Variants in XAB2 observed in about 807,000 individuals in gnomAD.
XAB2 encodes XPA binding protein 2, also known as pre-mRNA-splicing factor SYF1.
A neutral mutation model predicts 113.4 loss-of-function variants in XAB2; 57 were observed. The ratio of observed to expected loss-of-function variants is 0.50; its 90% CI spans 0.41 to 0.63. XAB2 has a LOEUF of 0.63. XAB2 is among the 20% of genes least tolerant of loss of function. XAB2 has a pLI of 0.00. For synonymous variants in XAB2, 497 were observed against 498.8 expected, an observed-to-expected ratio of 1.00 and a Z score of 0.05; for missense variants, 1,037 against 1,233.3, an observed-to-expected ratio of 0.84 and a Z score of 2.38.
Position 7,623,853 on chromosome 19 carries a change from G to C in XAB2, c.997C>G (p.Arg333Gly). Residue 333 changes from arginine to glycine, a missense_variant, in exon 8 of 19, where the codon CGC (arginine) becomes GGC (glycine). Arg to Gly is a moderately radical substitution (Grantham distance 125). Coordinates refer to ENST00000358368, the MANE Select transcript of XAB2 (RefSeq NM_020196.3). This position sits in a 1 kb window ranked among gnomAD's most constrained non-coding sequence, Gnocchi z 4.6. ...CGCCGGCTGATGAGCTGCTCGAAGC[G>C]GGCCAGGCGCAGCTCCAGGTCCACA... ...DDVDLELRLA[R>G]FEQLISRRPL... 6.2e-7 allele frequency: 1 copy of C among 1,602,364 alleles called. No homozygotes were observed. The highest frequency in any genetic ancestry group is 1.1e-5 in the South Asian group (1 of 90,254).
Position 7,624,916 on chromosome 19 carries a change from C to T in XAB2, c.823-471G>A, listed in dbSNP as rs2031107600. ...TGGCTCGCCCACCCCAGCTCAGGTC[C>T]CCTCTCTCTACCCAGCCCTGACGGG... On this transcript the variant is annotated intron_variant, in intron 6 of 18. Transcript: ENST00000358368. This position sits in a 1 kb window ranked among gnomAD's most constrained non-coding sequence, Gnocchi z 4.2. Among the ~76,000 whole-genome samples, 1 of 152,166 alleles carries T rather than the reference C, an allele frequency of 6.6e-6. No homozygotes were observed. Among genetic ancestry groups the T allele is most frequent in the African/African-American group, 2.4e-5 (1 of 41,446 alleles).
rs1329509831 is a variant in XAB2 at position 7,627,008 on chromosome 19, G to C, written c.522+235C>G. ...TAGACTAAAAGCTCCGTGCAGGCAG[G>C]GAGTGTCTTAGTCACACTGTCCTCA... On this transcript the variant is annotated intron_variant, in intron 4 of 18. Transcript: ENST00000358368. The surrounding 1 kb of genome is among the most constrained non-coding windows in gnomAD (Gnocchi z 4.5). 6.6e-6 allele frequency among the ~76,000 whole-genome samples: 1 copy of C among 152,148 alleles called. No individual in the cohort carries two copies. Among genetic ancestry groups the C allele is most frequent in the East Asian group, 1.9e-4 (1 of 5,202 alleles).
rs775891976 is a variant in XAB2, at chr19:7,622,795, G to A, written c.1338C>T (p.His446=). The change falls in exon 10 of 19, where the codon CAC becomes CAT. Residue 446 remains histidine (H), a synonymous_variant. Transcript: ENST00000358368. ...WCQCGELELR[H]ENYDEALRLL... ...GCCGCAAGGCCTCATCGTAGTTCTCGTGTCGGAGCTCCAGCTCTCCGCACT... is the reference window on the plus strand; with the variant it reads ...GCCGCAAGGCCTCATCGTAGTTCTCATGTCGGAGCTCCAGCTCTCCGCACT... The A allele has an allele frequency of 4.3e-6, 7 of 1,614,108 alleles. No individual in the cohort carries two copies. The highest frequency in any genetic ancestry group is 5.1e-6 in the Non-Finnish European group (6 of 1,180,030).
Position 7,619,921 on chromosome 19 carries a change from G to A in XAB2, c.2396+25C>T, listed in dbSNP as rs773740151. On this transcript the variant is annotated intron_variant, in intron 17 of 18. Transcript: ENST00000358368. ...CCCCCTTGGGACCTGTCCCAGTCCT[G>A]TCCCGTCCAAGGATCCGCCCTCACC... 1.3e-4 allele frequency: 211 copies of A among 1,609,792 alleles called. 1 individual carries two copies. The highest frequency in any genetic ancestry group is 1.6e-5 in the Non-Finnish European group (19 of 1,179,858).
rs2031113643 is a variant in XAB2 at position 7,625,219 on chromosome 19, C to A, written c.822+661G>T. ...AGTCAGCTAACCCCTGAGGGAGTGGCCCTCACACCACGTACCTCCTCAGTG... is the reference window on the plus strand; with the variant it reads ...AGTCAGCTAACCCCTGAGGGAGTGGACCTCACACCACGTACCTCCTCAGTG... On this transcript the variant is annotated intron_variant, in intron 6 of 18. Transcript: ENST00000358368. This position sits in a 1 kb window ranked among gnomAD's most constrained non-coding sequence, Gnocchi z 5.2. Among the ~76,000 whole-genome samples, 1 of 152,226 alleles carries A rather than the reference C, an allele frequency of 6.6e-6. No individual in the cohort carries two copies. The highest frequency in any genetic ancestry group is 2.4e-5 in the African/African-American group (1 of 41,460).
Position 7,619,557 on chromosome 19 carries a change from G to A in XAB2, c.*29C>T, listed in dbSNP as rs546861028. 7.0e-5 allele frequency: 103 copies of A among 1,463,436 alleles called. 2 individuals carry two copies. In the East Asian group the frequency reaches 1.9e-3, roughly 27 times the overall value. 90.7% of individuals were successfully genotyped at this position (1,463,436 alleles called of 1,614,324 possible). A position where few individuals can be genotyped will look rare whatever the true frequency, so the allele number is the denominator to read the frequency against. On this transcript the variant is annotated 3_prime_UTR_variant, in exon 19 of 19. Coordinates refer to ENST00000358368, the MANE Select transcript of XAB2 (RefSeq NM_020196.3). ...CAAACGTAGCTGTATTGGGGAGGGG[G>A]TGGGGAGGGGGGATGGGGGAGGGAC... is the stretch of plus-strand genomic sequence containing the variant.
chr19:7,620,903 C>T lies in XAB2; in HGVS notation c.1914G>A (p.Arg638=), dbSNP rs1455538921. 1 of 1,603,860 alleles carries T rather than the reference C, an allele frequency of 6.2e-7. No homozygotes were observed. Among genetic ancestry groups the T allele is most frequent in the South Asian group, 1.1e-5 (1 of 89,240 alleles). The change falls in exon 14 of 19, where the codon CGG becomes CGA. Residue 638 remains arginine (R), a synonymous_variant. Coordinates refer to ENST00000358368, the MANE Select transcript of XAB2 (RefSeq NM_020196.3). ...QYDMFNIYIK[R]AAEIYGVTHT... is the part of the protein sequence containing the mutation. ...GGGTGACCCCATAGATCTCGGCCGCCCGCTTGATGTAGATGTTGAACATGT... is the reference window on the plus strand; with the variant it reads ...GGGTGACCCCATAGATCTCGGCCGCTCGCTTGATGTAGATGTTGAACATGT...
intron 12 of XAB2, chr19:7,621,971 G>A (rs942848205): frequency 5.6e-5 from 13 of 231,066 alleles, no homozygotes; most frequent in Non-Finnish European, 1.1e-4. Flanking sequence ...TTCGTTTGAA[G>A]ATGAGATCAC....
chr19:7,628,349 G>A lies in XAB2; in HGVS notation c.52-51C>T. ...AGAGAGGCCTACCCTCAGAGCCTGT[G>A]TGCAGCACCATCCCACTGCTGGGGC... On this transcript the variant is annotated intron_variant, in intron 1 of 18. Transcript: ENST00000358368. This position sits in a 1 kb window ranked among gnomAD's most constrained non-coding sequence, Gnocchi z 4.6. The A allele has an allele frequency of 1.9e-6, 3 of 1,608,450 alleles. No homozygotes were observed. The highest frequency in any genetic ancestry group is 1.1e-5 in the South Asian group (1 of 90,820).
rs773586443 is a variant in XAB2 at position 7,622,522 on chromosome 19, CA to C, written c.1503+7del. 6.2e-7 allele frequency: 1 copy of C among 1,613,916 alleles called. No homozygotes were observed. Among genetic ancestry groups the C allele is most frequent in the South Asian group, 1.1e-5 (1 of 91,086 alleles). ...GGCCCCGTCCCTCCCCAGCCACAGG[CA>C]GCTCACCTGGAAGGTGCCGAGGCTC... On this transcript the variant is annotated splice_region_variant and intron_variant, in intron 11 of 18. Transcript: ENST00000358368.
At position 7,624,927 on chromosome 19, in the gene XAB2, C is replaced by G. The variant is rs1479145890; in HGVS notation, c.823-482G>C. Among the ~76,000 whole-genome samples, 1 of 152,182 alleles carries G rather than the reference C, an allele frequency of 6.6e-6. No homozygotes were observed. Among genetic ancestry groups the G allele is most frequent in the Non-Finnish European group, 1.5e-5 (1 of 68,012 alleles). ...CCCCAGCTCAGGTCCCCTCTCTCTACCCAGCCCTGACGGGTCTTGCCCTGC... is the reference window on the plus strand; with the variant it reads ...CCCCAGCTCAGGTCCCCTCTCTCTAGCCAGCCCTGACGGGTCTTGCCCTGC... On this transcript the variant is annotated intron_variant, in intron 6 of 18. Transcript: ENST00000358368. The surrounding 1 kb of genome is among the most constrained non-coding windows in gnomAD (Gnocchi z 4.2).
At position 7,623,015 on chromosome 19, in the gene XAB2, GGCACACA is replaced by G; in HGVS notation, c.1240-129_1240-123del. 7.8e-6 allele frequency: 12 copies of G among 1,536,842 alleles called. No homozygotes were observed. The highest frequency in any genetic ancestry group is 1.1e-5 in the Non-Finnish European group (12 of 1,140,332). On this transcript the variant is annotated intron_variant, in intron 9 of 18. Transcript: ENST00000358368. This position sits in a 1 kb window ranked among gnomAD's most constrained non-coding sequence, Gnocchi z 4.6. ...GCACAAACACACAGGCACACACACA[GGCACACA>G]CATGCGTGCACATATGCATGCACCC...
In XAB2 at chr19:7,622,386, A is replaced by C. The variant is rs1467368247; in HGVS notation, c.1562T>G (p.Val521Gly). ...CTCCAGGAACATGGCATAGTTGATG[A>C]CGATCTGGGGTGTTGCGATACGCAG... Reference protein sequence around the residue: ...LDLRIATPQIVINYAMFLEEH... With the variant: ...LDLRIATPQIGINYAMFLEEH... The change falls in exon 12 of 19, where the codon GTC (valine) becomes GGC (glycine). Residue 521 changes from valine to glycine, a missense_variant. By Grantham distance (109) the Val-to-Gly change is moderately radical. Transcript: ENST00000358368. 1 of 1,614,142 alleles carries C rather than the reference A, an allele frequency of 6.2e-7. No individual in the cohort carries two copies. Among genetic ancestry groups the C allele is most frequent in the Admixed American group, 1.7e-5 (1 of 60,030 alleles).
Position 7,620,838 on chromosome 19 carries a change from G to C in XAB2, c.1971+8C>G. ...TCTGGCCCCGGCCCAGCCCCCCACGGTGGGTACCTCAATGGCCTTCTGGTA... is the reference window on the plus strand; with the variant it reads ...TCTGGCCCCGGCCCAGCCCCCCACGCTGGGTACCTCAATGGCCTTCTGGTA... On this transcript the variant is annotated splice_region_variant and intron_variant, in intron 14 of 18. Coordinates refer to ENST00000358368, the MANE Select transcript of XAB2 (RefSeq NM_020196.3). The C allele has an allele frequency of 6.4e-7, 1 of 1,574,360 alleles. No individual in the cohort carries two copies. Among genetic ancestry groups the C allele is most frequent in the Non-Finnish European group, 8.6e-7 (1 of 1,157,894 alleles).
In XAB2 at chr19:7,623,735, C is replaced by A; in HGVS notation, c.1115G>T (p.Arg372Leu). The change falls in exon 8 of 19, where the codon CGG (arginine) becomes CTG (leucine). Residue 372 changes from arginine (R) to leucine (L), a missense_variant. Arg to Leu is a moderately radical substitution (Grantham distance 102). Coordinates refer to ENST00000358368, the MANE Select transcript of XAB2 (RefSeq NM_020196.3). This position sits in a 1 kb window ranked among gnomAD's most constrained non-coding sequence, Gnocchi z 4.6. ...KRVALHQGRP[R>L]EIINTYTEAV... ...ACTGGGGCAGGCTTCATGTACCTCC[C>A]GGGGGCGGCCCTGGTGCAGGGCGAC... 6.3e-7 allele frequency: 1 copy of A among 1,599,402 alleles called. No homozygotes were observed.
Position 7,627,451 on chromosome 19 carries a change from G to A in XAB2, c.325-11C>T, listed in dbSNP as rs762805138. ...CCACAGACGAGGCATCTGGGGGTGT[G>A]GGGAGAGGCGGCTGGGGCTAAGCCA... On this transcript the variant is annotated splice_polypyrimidine_tract_variant and intron_variant, in intron 3 of 18. Transcript: ENST00000358368. The surrounding 1 kb of genome is among the most constrained non-coding windows in gnomAD (Gnocchi z 4.5). The A allele has an allele frequency of 1.3e-6, 2 of 1,596,794 alleles. No homozygotes were observed. Among genetic ancestry groups the A allele is most frequent in the Non-Finnish European group, 1.7e-6 (2 of 1,173,204 alleles).
At chr19:7,626,800 T>G (rs1159612322) in intron 4 of XAB2, among the ~76,000 whole-genome samples, 1 of 152,212 alleles carries the variant, frequency 6.6e-6, no homozygotes, top group African/African-American at 2.4e-5. Flanking sequence ...CTGGTCCAGC[T>G]TAGAATCCAA....
At position 7,619,805 on chromosome 19, in the gene XAB2, G is replaced by C. The variant is rs201993769; in HGVS notation, c.2448C>G (p.Pro816=). 24 of 1,613,514 alleles carry C rather than the reference G, an allele frequency of 1.5e-5. No individual in the cohort carries two copies. Among genetic ancestry groups the C allele is most frequent in the Non-Finnish European group, 2.0e-5 (24 of 1,179,942 alleles). The change falls in exon 18 of 19, where the codon CCC becomes CCG. Residue 816 remains proline (P), a synonymous_variant. Coordinates refer to ENST00000358368, the MANE Select transcript of XAB2 (RefSeq NM_020196.3). ...ELAELAQQVN[P]EEIQLGEDED... is the part of the protein sequence containing the mutation. Reference sequence around the variant, plus strand: ...CGTCCTCGCCCAGCTGGATCTCCTCGGGGTTGACCTGCTGTGCCAGCTCTG... The same window carrying C: ...CGTCCTCGCCCAGCTGGATCTCCTCCGGGTTGACCTGCTGTGCCAGCTCTG...
rs2031020426 is a variant in XAB2, at chr19:7,621,026, C to A, written c.1791G>T (p.Leu597=). ...ACTCCTCCTCCAGCTGTGCGTACAG[C>A]AGGTACAAGGCTGGGCGGGGTAGGC... ...CPPKYAKTLY[L]LYAQLEEEWG... Residue 597 remains leucine, a synonymous_variant, in exon 14 of 19, where the codon CTG becomes CTT. Coordinates refer to ENST00000358368, the MANE Select transcript of XAB2 (RefSeq NM_020196.3). The A allele has an allele frequency of 1.9e-6, 3 of 1,556,614 alleles. No individual in the cohort carries two copies. The highest frequency in any genetic ancestry group is 2.6e-6 in the Non-Finnish European group (3 of 1,152,250).
Sources: gnomAD v4.1 joint callset for allele counts (sites outside exome capture counted in the v4.1 genomes callset) on GRCh38, gnomAD v4.1.1 for gene constraint, Gnocchi (gnomAD v3.1) non-coding constraint, MANE v1.5 for transcripts, NCBI Gene and HGNC (gene_info 2026-07-23, HGNC 2026-07-21) for gene names.